The following WDR4 variants were observed in gnomAD, a reference collection of about 807,000 sequenced individuals.
WDR4 encodes the protein WDR4 tRNA N7-guanosine methyltransferase non-catalytic subunit, also known as tRNA (guanine-N(7)-)-methyltransferase non-catalytic subunit WDR4.
Under a neutral mutation model 48.6 loss-of-function variants are expected in WDR4, and 47 were observed. That is an observed-to-expected ratio of 0.97 (90% CI 0.77 to 1.23). The LOEUF (loss-of-function observed/expected upper bound fraction) is 1.23, where lower values mean the gene tolerates loss of function less well. Ranked by LOEUF, WDR4 falls within the 50% of genes most tolerant of loss-of-function variation. WDR4 has a pLI of 0.00. For synonymous variants in WDR4, 268 were observed against 230.0 expected, an observed-to-expected ratio of 1.17 and a Z score of -1.49; for missense variants, 606 against 551.6, an observed-to-expected ratio of 1.10 and a Z score of -0.99.
chr21:42,875,002 G>A (rs1009097089), intron 2 of WDR4, among the ~76,000 whole-genome samples: 9 of 151,982 alleles, frequency 5.9e-5, no homozygotes, highest in South Asian at 2.1e-4. Flanking sequence ...GGAACCTACC[G>A]ACATGTGATG....
At chr21:42,885,218 T>C in the WDR4 span, among the ~76,000 whole-genome samples, 4 of 152,184 alleles carry the variant, frequency 2.6e-5, no homozygotes, top group Admixed American at 6.6e-5. Flanking sequence ...GGGCAAGTCT[T>C]CACCCTTTTT....
chr21:42,870,657 C>T (rs2058351145), intron 3 of WDR4, among the ~76,000 whole-genome samples: 1 of 152,058 alleles, frequency 6.6e-6, no homozygotes, highest in African/African-American at 2.4e-5. Context: ...GACGTGGTGG[C>T]ACATGCTTGT....
the WDR4 span, among the ~76,000 whole-genome samples, chr21:42,887,316 T>C: frequency 6.8e-6 from 1 of 147,200 alleles, no homozygotes; most frequent in Non-Finnish European, 1.5e-5. Flanking sequence ...TTTTTTTTTA[T>C]TTTATAAAGA....
intron 6 of WDR4, among the ~76,000 whole-genome samples, chr21:42,858,756 C>G (rs2058050579): frequency 6.6e-6 from 1 of 152,184 alleles, no homozygotes; most frequent in Non-Finnish European, 1.5e-5. Flanking sequence ...TTTTCTTCTT[C>G]TCTCAGGTCG....
intron 3 of WDR4, among the ~76,000 whole-genome samples, 173 bp downstream of exon 3, chr21:42,873,378 G>A (rs1210009341): frequency 1.3e-5 from 2 of 152,130 alleles, no homozygotes; most frequent in East Asian, 3.9e-4. Context: ...CTGCCGTGAG[G>A]ATCAGATCAG....
chr21:42,865,979 A>G (rs1359380246), intron 3 of WDR4, among the ~76,000 whole-genome samples: 1 of 151,968 alleles, frequency 6.6e-6, no homozygotes, highest in Non-Finnish European at 1.5e-5. Context: ...ATCCACACCC[A>G]CACTCCAGCA....
chr21:42,878,365 T>A (rs1325145091), intron 1 of WDR4, among the ~76,000 whole-genome samples: 3 of 152,164 alleles, frequency 2.0e-5, no homozygotes, highest in African/African-American at 7.2e-5. Context: ...CCACTAGAAT[T>A]TCCTCAAAAT....
At chr21:42,872,672 C>T (rs2058399064) in intron 3 of WDR4, among the ~76,000 whole-genome samples, 1 of 149,894 alleles carries the variant, frequency 6.7e-6, no homozygotes, top group Non-Finnish European at 1.5e-5. Flanking sequence ...TAGTGGCTCA[C>T]ACTTGTAATC....
In WDR4 at chr21:42,862,862, T is replaced by C. The variant is rs972331469; in HGVS notation, c.454-468A>G. On this transcript the variant is annotated intron_variant, in intron 4 of 10. Coordinates refer to ENST00000398208, the MANE Select transcript of WDR4 (RefSeq NM_018669.6). The surrounding 1 kb of genome is among the most constrained non-coding windows in gnomAD (Gnocchi z 4.3). ...GCCATTGTTCCTGACTGTCCCTGTG[T>C]GCGTCCAATCCCAGCTCCACCACCC... 1.3e-5 allele frequency among the ~76,000 whole-genome samples: 2 copies of C among 152,212 alleles called. No individual in the cohort carries two copies. Among genetic ancestry groups the C allele is most frequent in the Admixed American group, 6.5e-5 (1 of 15,284 alleles).
the WDR4 span, among the ~76,000 whole-genome samples, chr21:42,891,695 C>T: frequency 3.2e-3 from 484 of 152,016 alleles, 2 homozygotes; most frequent in African/African-American, 0.01. Flanking sequence ...TAGTGGCTCA[C>T]GCCTGTAACC....
rs751569650 is a variant in WDR4 at position 42,862,358 on chromosome 21, C to T, written c.490G>A (p.Asp164Asn). The change falls in exon 5 of 11, where the codon GAC becomes AAC. Residue 164 changes from aspartate to asparagine, a missense_variant. By Grantham distance (23) the Asp-to-Asn change is conservative (BLOSUM62 1). Transcript: ENST00000398208. The surrounding 1 kb of genome is among the most constrained non-coding windows in gnomAD (Gnocchi z 4.3). ...CTGACTCGGATCTTCTCGTCCCGGT[C>T]GGCAGTGAGGATGAAGCGGTCATCA... ...SPDDRFILTA[D>N]RDEKIRVSWA... 8.1e-6 allele frequency: 13 copies of T among 1,611,266 alleles called. No individual in the cohort carries two copies. Among genetic ancestry groups the T allele is most frequent in the African/African-American group, 1.3e-5 (1 of 74,990 alleles).
At chr21:42,877,722 G>A (rs2058528189) in intron 1 of WDR4, among the ~76,000 whole-genome samples, 1 of 152,050 alleles carries the variant, frequency 6.6e-6, no homozygotes, top group South Asian at 2.1e-4. Context: ...TATTCTTTTA[G>A]GCACCACAAA....
chr21:42,862,363 G>GT lies in WDR4; in HGVS notation c.484dup (p.Thr162AsnfsTer18). 6.2e-7 allele frequency: 1 copy of GT among 1,611,110 alleles called. No homozygotes were observed. The highest frequency in any genetic ancestry group is 8.5e-7 in the Non-Finnish European group (1 of 1,178,842). On this transcript the variant is annotated frameshift_variant, in exon 5 of 11. Coordinates refer to ENST00000398208, the MANE Select transcript of WDR4 (RefSeq NM_018669.6). LOFTEE classifies it high-confidence loss of function. This position sits in a 1 kb window ranked among gnomAD's most constrained non-coding sequence, Gnocchi z 4.3. ...TCGGATCTTCTCGTCCCGGTCGGCA[G>GT]TGAGGATGAAGCGGTCATCAGGACT...
intron 6 of WDR4, among the ~76,000 whole-genome samples, chr21:42,856,911 A>G (rs1319620614): frequency 6.6e-6 from 1 of 152,120 alleles, no homozygotes; most frequent in East Asian, 1.9e-4. Flanking sequence ...GATGTTTAAT[A>G]ACCATGAACC....
chr21:42,879,559 T>C (rs1229363410), upstream of WDR4: 2 of 1,580,146 alleles, frequency 1.3e-6, no homozygotes, highest in East Asian at 2.3e-5. Context: ...TCCGCACCGG[T>C]CGGTGACGCC....
At chr21:42,854,294 C>T (rs2057925799) in intron 8 of WDR4, among the ~76,000 whole-genome samples, 1 of 152,244 alleles carries the variant, frequency 6.6e-6, no homozygotes, top group Admixed American at 6.5e-5. Flanking sequence ...AGGGGAAAGT[C>T]TGTCATCTCA....
chr21:42,890,354 T>C, the WDR4 span, among the ~76,000 whole-genome samples: 2 of 152,032 alleles, frequency 1.3e-5, no homozygotes, highest in Non-Finnish European at 2.9e-5. Context: ...ACCAACATGG[T>C]GAAACCCTGT....
intron 10 of WDR4, among the ~76,000 whole-genome samples, chr21:42,851,111 G>A (rs1296025658): frequency 6.6e-6 from 1 of 152,218 alleles, no homozygotes; most frequent in Non-Finnish European, 1.5e-5. Context: ...TCTCAGGAGA[G>A]CGAGCCCAGG....
At chr21:42,875,513 C>T (rs2058470155) in intron 2 of WDR4, among the ~76,000 whole-genome samples, 1 of 152,086 alleles carries the variant, frequency 6.6e-6, no homozygotes, top group Non-Finnish European at 1.5e-5. Flanking sequence ...CAAGATAGCG[C>T]CACTGCACTC....
Sources: gnomAD v4.1 joint callset for allele counts (sites outside exome capture counted in the v4.1 genomes callset) on GRCh38, gnomAD v4.1.1 for gene constraint, Gnocchi (gnomAD v3.1) non-coding constraint, MANE v1.5 for transcripts, NCBI Gene and HGNC (gene_info 2026-07-23, HGNC 2026-07-21) for gene names.